RBMS3: variants seen among roughly 807,000 people sequenced by gnomAD.
RBMS3 encodes RNA-binding motif, single-stranded-interacting protein 3.
A neutral mutation model predicts 66.8 loss-of-function variants in RBMS3; 27 were observed. That is an observed-to-expected ratio of 0.40 (90% CI 0.30 to 0.56). The LOEUF (loss-of-function observed/expected upper bound fraction) is 0.56. Ranked by LOEUF, RBMS3 falls within the 20% of genes least tolerant of loss-of-function variation. The pLI is 0.40. For synonymous variants in RBMS3, 188 were observed against 183.0 expected, an observed-to-expected ratio of 1.03 and a Z score of -0.22; for missense variants, 513 against 549.5, an observed-to-expected ratio of 0.93 and a Z score of 0.66.
At chr3:29,835,045 T>C (rs1025680746) in intron 6 of RBMS3, among the ~76,000 whole-genome samples, 11 of 151,916 alleles carry the variant, frequency 7.2e-5, no homozygotes, top group Non-Finnish European at 1.5e-4. Flanking sequence ...ACAATAAAGG[T>C]CACTGTATAA....
At chr3:29,980,489 A>G (rs1383176445) in intron 12 of RBMS3, among the ~76,000 whole-genome samples, 2 of 152,120 alleles carry the variant, frequency 1.3e-5, no homozygotes, top group Admixed American at 1.3e-4. Context: ...TTGGTGTTTT[A>G]GTCTTGAAGT....
intron 1 of RBMS3, among the ~76,000 whole-genome samples, chr3:29,297,646 C>A (rs1428632762): frequency 6.6e-6 from 1 of 151,838 alleles, no homozygotes; most frequent in Non-Finnish European, 1.5e-5. Flanking sequence ...TCAAAACTCA[C>A]CATATAGTCT....
At chr3:29,936,047 T>G in intron 10 of RBMS3, 39 bp from the exon 11 acceptor site, 1 of 1,502,492 alleles carries the variant, frequency 6.7e-7, no homozygotes, top group Non-Finnish European at 9.2e-7. Context: ...TCCTTCCTTG[T>G]AGGATATATT....
At chr3:29,740,924 C>T (rs1445471275) in intron 5 of RBMS3, among the ~76,000 whole-genome samples, 1 of 151,832 alleles carries the variant, frequency 6.6e-6, no homozygotes, top group African/African-American at 2.4e-5. Flanking sequence ...GGCTGTAGTC[C>T]CAGCTACTCG....
At chr3:29,828,241 G>A (rs903394805) in intron 6 of RBMS3, among the ~76,000 whole-genome samples, 3 of 152,092 alleles carry the variant, frequency 2.0e-5, no homozygotes, top group Non-Finnish European at 4.4e-5. Flanking sequence ...CCACTATACC[G>A]TAGACTCCTC....
intron 1 of RBMS3, among the ~76,000 whole-genome samples, chr3:29,393,905 G>A (rs981087749): frequency 6.6e-6 from 1 of 152,094 alleles, no homozygotes; most frequent in African/African-American, 2.4e-5. Flanking sequence ...GATCACAAGG[G>A]CAGAGATGCA....
rs144102977 is a variant in RBMS3 at position 29,540,784 on chromosome 3, G to A, written c.308-46330G>A. On this transcript the variant is annotated intron_variant, in intron 3 of 14. Coordinates refer to ENST00000383767, the MANE Select transcript of RBMS3 (RefSeq NM_001003793.3). ...GTGGTGCTACTGACACAGGCCTATG[G>A]GTTTCGGTTGATGTCTGGGAGCAGA... Among the ~76,000 whole-genome samples, 8 of 152,176 alleles carry A rather than the reference G, an allele frequency of 5.3e-5. No individual in the cohort carries two copies. The East Asian group carries it at 1.5e-3, about 29-fold the overall frequency.
At chr3:29,476,223 T>G (rs2042941880) in intron 2 of RBMS3, among the ~76,000 whole-genome samples, 1 of 152,210 alleles carries the variant, frequency 6.6e-6, no homozygotes, top group Admixed American at 6.5e-5. Context: ...AATTATAACA[T>G]AAGCCTGAAA....
At chr3:29,406,267 G>A (rs2040012808) in intron 1 of RBMS3, among the ~76,000 whole-genome samples, 1 of 152,082 alleles carries the variant, frequency 6.6e-6, no homozygotes, top group African/African-American at 2.4e-5. Context: ...ATGTAAAAAA[G>A]CAATTAGTTT....
chr3:29,861,197 CTT>C (rs2059208389), intron 6 of RBMS3, among the ~76,000 whole-genome samples: 1 of 152,096 alleles, frequency 6.6e-6, no homozygotes, highest in Non-Finnish European at 1.5e-5. Flanking sequence ...AACATTTTAA[CTT>C]TTAGTTTTTG....
In RBMS3 at chr3:29,695,932, T is replaced by C. The variant is rs547196706; in HGVS notation, c.400-43788T>C. ...TCCTCTGTTGTTTGAACTGGTCAAA[T>C]TGAGCAGTGAGATGGCCAAGGGACA... On this transcript the variant is annotated intron_variant, in intron 4 of 14. Coordinates refer to ENST00000383767, the MANE Select transcript of RBMS3 (RefSeq NM_001003793.3). Among the ~76,000 whole-genome samples, 8 of 152,326 alleles carry C rather than the reference T, an allele frequency of 5.3e-5. No individual in the cohort carries two copies. In the South Asian group the frequency reaches 1.5e-3, roughly 28 times the overall value.
intron 3 of RBMS3, among the ~76,000 whole-genome samples, chr3:29,565,220 G>A (rs751382039): frequency 6.4e-4 from 97 of 152,282 alleles, no homozygotes; most frequent in Middle Eastern, 3.4e-3. Context: ...TATTTGATAA[G>A]TGGTTGAAGG....
chr3:29,832,463 G>C (rs984415326), intron 6 of RBMS3, among the ~76,000 whole-genome samples: 1 of 151,690 alleles, frequency 6.6e-6, no homozygotes, highest in Non-Finnish European at 1.5e-5. Flanking sequence ...TACACTGTTG[G>C]AGCAAAAGGT....
chr3:29,792,471 G>A (rs1296366888), intron 6 of RBMS3, among the ~76,000 whole-genome samples: 1 of 152,082 alleles, frequency 6.6e-6, no homozygotes, highest in Non-Finnish European at 1.5e-5. Flanking sequence ...ACCAAAATGT[G>A]CACATATTGT....
chr3:29,801,039 T>C (rs1035298808), intron 6 of RBMS3, among the ~76,000 whole-genome samples: 2 of 151,502 alleles, frequency 1.3e-5, no homozygotes, highest in African/African-American at 4.9e-5. Flanking sequence ...GTAAACGGAA[T>C]GAATAAAGTG....
At chr3:29,786,519 G>A (rs10222392) in intron 6 of RBMS3, among the ~76,000 whole-genome samples, 45,994 of 151,872 alleles carry the variant, frequency 0.3, 7,760 homozygotes, top group African/African-American at 0.46. Flanking sequence ...GGAACAGAAT[G>A]GAGAACCCAG....
chr3:29,481,440 AG>A (rs750337696), intron 2 of RBMS3, among the ~76,000 whole-genome samples: 7 of 152,230 alleles, frequency 4.6e-5, no homozygotes, highest in Non-Finnish European at 7.3e-5. Flanking sequence ...GATGGCAGTG[AG>A]AACCAAGAAA....
intron 6 of RBMS3, among the ~76,000 whole-genome samples, chr3:29,855,717 G>A (rs1006469004): frequency 2.0e-5 from 3 of 152,094 alleles, no homozygotes; most frequent in Admixed American, 2.0e-4. Flanking sequence ...ATCCAATGTC[G>A]GACTGAATTA....
At chr3:29,980,726 G>A (rs888797065) in intron 12 of RBMS3, among the ~76,000 whole-genome samples, 4 of 152,082 alleles carry the variant, frequency 2.6e-5, no homozygotes, top group Non-Finnish European at 2.9e-5. Flanking sequence ...CAGGTTTGTC[G>A]AAGATAGATG....
Sources: gnomAD v4.1 joint callset for allele counts (sites outside exome capture counted in the v4.1 genomes callset) on GRCh38, gnomAD v4.1.1 for gene constraint, MANE v1.5 for transcripts, NCBI Gene and HGNC (gene_info 2026-07-23, HGNC 2026-07-21) for gene names.